TMEM132B: variants seen among roughly 807,000 people sequenced by gnomAD.
TMEM132B encodes transmembrane protein 132B.
In TMEM132B, 18 loss-of-function variants were observed where a neutral mutation model predicts 90.8. That is an observed-to-expected ratio of 0.20 (90% CI 0.14 to 0.29). The LOEUF (loss-of-function observed/expected upper bound fraction) is 0.29, where lower values mean the gene tolerates loss of function less well. TMEM132B is among the 10% of genes least tolerant of loss of function. The pLI is 1.00. For missense variants in TMEM132B, 1,096 were observed against 1,326.8 expected, an observed-to-expected ratio of 0.83 and a Z score of 2.70; for synonymous variants, 504 against 523.3, an observed-to-expected ratio of 0.96 and a Z score of 0.50.
intron 1 of TMEM132B, among the ~76,000 whole-genome samples, chr12:125,282,027 C>CAAAAAAAAAAAAAAAAAAA (rs869083244): frequency 6.2e-5 from 1 of 16,086 alleles, no homozygotes; most frequent in Non-Finnish European, 1.1e-4. Flanking sequence ...GACTCCGTCT[C>CAAAAAAAAAAAAAAAAAAA]AAAAAAAAAA....
intron 2 of TMEM132B, among the ~76,000 whole-genome samples, chr12:125,369,846 C>G (rs189742935): frequency 6.6e-6 from 1 of 152,054 alleles, no homozygotes; most frequent in South Asian, 2.1e-4. Flanking sequence ...GTCAGGAGTT[C>G]GAGACCAGCC....
intron 1 of TMEM132B, among the ~76,000 whole-genome samples, chr12:125,287,748 A>ATAAATGTATCTAT (rs11273640): frequency 0.14 from 20,751 of 152,194 alleles, 1,578 homozygotes; most frequent in African/African-American, 0.2. Context: ...ACATGCCAGA[A>ATAAATGTATCTAT]TTATACCTTC....
intron 3 of TMEM132B, among the ~76,000 whole-genome samples, chr12:125,513,293 G>A (rs568196424): frequency 3.3e-5 from 5 of 152,144 alleles, no homozygotes; most frequent in Non-Finnish European, 7.3e-5. Flanking sequence ...GGATACATTC[G>A]TGAGCAAAAC....
chr12:125,660,623 A>G lies in TMEM132B; in HGVS notation c.*5913A>G, dbSNP rs1887188248. The G allele has an allele frequency of 6.6e-6, 1 of 152,236 alleles. No homozygotes were observed. The highest frequency in any genetic ancestry group is 2.4e-5 in the African/African-American group (1 of 41,472). The allele number at this position is 152,236 out of a possible 1,614,324, so 9.4% of individuals were successfully genotyped here. On this transcript the variant is annotated 3_prime_UTR_variant, in exon 9 of 9. Transcript: ENST00000682704. ...ATAGACTATTCTATGACTCAAGACAACTAGGACACCATCATTTTCCAGATA... is the reference window on the plus strand; with the variant it reads ...ATAGACTATTCTATGACTCAAGACAGCTAGGACACCATCATTTTCCAGATA...
intron 4 of TMEM132B, among the ~76,000 whole-genome samples, chr12:125,581,399 A>G (rs1225368737): frequency 6.6e-6 from 1 of 152,204 alleles, no homozygotes; most frequent in Non-Finnish European, 1.5e-5. Context: ...GGATTCAGGA[A>G]CCTGGAAATC....
chr12:125,536,975 T>A (rs1442913492), intron 4 of TMEM132B, among the ~76,000 whole-genome samples: 1 of 152,240 alleles, frequency 6.6e-6, no homozygotes, highest in Non-Finnish European at 1.5e-5. Flanking sequence ...GATCTTTTTT[T>A]ACTCTTTTTG....
intron 4 of TMEM132B, among the ~76,000 whole-genome samples, chr12:125,529,529 A>T (rs1236230901): frequency 2.0e-5 from 3 of 151,804 alleles, no homozygotes; most frequent in African/African-American, 7.3e-5. Context: ...CTGCCTTCCC[A>T]CCTCTGTGTG....
intron 1 of TMEM132B, among the ~76,000 whole-genome samples, chr12:125,283,650 G>A (rs552781115): frequency 1.4e-4 from 21 of 152,300 alleles, no homozygotes; most frequent in African/African-American, 4.1e-4. Context: ...AAGATGTCGC[G>A]TCCAACAATT....
At chr12:125,340,301 CAAAT>C (rs758152580) in intron 1 of TMEM132B, among the ~76,000 whole-genome samples, 5 of 152,110 alleles carry the variant, frequency 3.3e-5, no homozygotes, top group Non-Finnish European at 5.9e-5. Context: ...ACTGCGAAGT[CAAAT>C]AAAATCTTTC....
At chr12:125,256,819 C>G (rs1306352473) in intron 1 of TMEM132B, among the ~76,000 whole-genome samples, 1 of 152,170 alleles carries the variant, frequency 6.6e-6, no homozygotes, top group Non-Finnish European at 1.5e-5. Context: ...TGAGGACTGT[C>G]CATTGACCTG....
intron 7 of TMEM132B, among the ~76,000 whole-genome samples, chr12:125,652,070 C>T (rs1301168903): frequency 1.3e-5 from 2 of 152,200 alleles, no homozygotes; most frequent in Non-Finnish European, 2.9e-5. Context: ...ATACAGGATG[C>T]CTGCCCTGTT....
Position 125,349,667 on chromosome 12 carries a change from C to G in TMEM132B, c.283C>G (p.Pro95Ala). The G allele has an allele frequency of 6.2e-7, 1 of 1,614,130 alleles. No individual in the cohort carries two copies. The highest frequency in any genetic ancestry group is 8.5e-7 in the Non-Finnish European group (1 of 1,180,018). ...TPPIINASYG[P>A]FSVEKIIPQE... The stretch of plus-strand genomic sequence containing the variant: ...CCCTATTATCAATGCCAGCTATGGC[C>G]CATTTTCAGTGGAGAAGATAATCCC... Residue 95 changes from proline to alanine, a missense_variant, in exon 2 of 9, where the codon CCA (proline) becomes GCA (alanine). Physicochemically the swap from Pro to Ala is conservative, Grantham distance 27. Transcript: ENST00000682704. This position sits in a 1 kb window ranked among gnomAD's most constrained non-coding sequence, Gnocchi z 4.1.
At chr12:125,526,855 C>T (rs1883476456) in intron 4 of TMEM132B, among the ~76,000 whole-genome samples, 1 of 152,082 alleles carries the variant, frequency 6.6e-6, no homozygotes, top group Non-Finnish European at 1.5e-5. Context: ...TTCCATTCAT[C>T]CAGCCATCCA....
intron 3 of TMEM132B, among the ~76,000 whole-genome samples, chr12:125,423,695 G>A (rs995758809): frequency 6.6e-6 from 1 of 152,186 alleles, no homozygotes; most frequent in African/African-American, 2.4e-5. Flanking sequence ...TAAAATGGAG[G>A]GGATAAAAGT....
chr12:125,233,019 G>A (rs1873859792), intron 1 of TMEM132B, among the ~76,000 whole-genome samples: 1 of 152,180 alleles, frequency 6.6e-6, no homozygotes, highest in Non-Finnish European at 1.5e-5. Context: ...ACCACTGTGA[G>A]TGTCATTGTG....
At chr12:125,591,700 G>A (rs1457266764) in intron 5 of TMEM132B, among the ~76,000 whole-genome samples, 4 of 152,128 alleles carry the variant, frequency 2.6e-5, no homozygotes, top group East Asian at 1.9e-4. Flanking sequence ...GAGGAGAATC[G>A]TTCCTTGCCT....
chr12:125,581,071 G>A (rs371715147), intron 4 of TMEM132B, among the ~76,000 whole-genome samples: 2 of 152,306 alleles, frequency 1.3e-5, no homozygotes, highest in East Asian at 3.9e-4. Context: ...AAAAGCTGAA[G>A]GAGGAAACAT....
chr12:125,261,341 A>C (rs983760676), intron 1 of TMEM132B, among the ~76,000 whole-genome samples: 4 of 152,290 alleles, frequency 2.6e-5, no homozygotes, highest in African/African-American at 9.6e-5. Flanking sequence ...ATGGACCTGA[A>C]ATGTGCTATT....
intron 2 of TMEM132B, among the ~76,000 whole-genome samples, chr12:125,377,977 T>G (rs1878545059): frequency 6.6e-6 from 1 of 152,114 alleles, no homozygotes; most frequent in Non-Finnish European, 1.5e-5. Flanking sequence ...AAGAATGTTT[T>G]GAAAGCTAGG....
Sources: gnomAD v4.1 joint callset for allele counts (sites outside exome capture counted in the v4.1 genomes callset) on GRCh38, gnomAD v4.1.1 for gene constraint, Gnocchi (gnomAD v3.1) non-coding constraint, MANE v1.5 for transcripts, NCBI Gene and HGNC (gene_info 2026-07-23, HGNC 2026-07-21) for gene names.